Variants in PARD3B observed in about 807,000 individuals in gnomAD.
PARD3B encodes par-3 family cell polarity regulator beta, also known as partitioning defective 3 homolog B.
A neutral mutation model predicts 130.2 loss-of-function variants in PARD3B; 103 were observed. That is an observed-to-expected ratio of 0.79 (90% CI 0.67 to 0.93). The LOEUF is 0.93. Among genes scored for constraint, PARD3B ranks in the 40% least tolerant of loss-of-function variants. PARD3B has a pLI of 0.00. For missense variants in PARD3B, 1,609 were observed against 1,499.2 expected (o/e 1.07, Z -1.21); for synonymous variants, 583 against 553.2 (o/e 1.05, Z -0.76).
chr2:205,375,989 CAG>C (rs556274493), intron 18 of PARD3B, among the ~76,000 whole-genome samples: 3 of 152,252 alleles, frequency 2.0e-5, no homozygotes, highest in Admixed American at 2.0e-4. Flanking sequence ...AAAATGGACA[CAG>C]GGGTCATCTG....
In PARD3B at chr2:205,492,736, A is replaced by G. The variant is rs189116708; in HGVS notation, c.3045-7160A>G. Among the ~76,000 whole-genome samples, 34 of 152,296 alleles carry G rather than the reference A, an allele frequency of 2.2e-4. No homozygotes were observed. In the East Asian group the frequency reaches 5.8e-3, roughly 26 times the overall value. On this transcript the variant is annotated intron_variant, in intron 20 of 22. Coordinates refer to ENST00000406610, the MANE Select transcript of PARD3B (RefSeq NM_001302769.2). ...ATCATAACTTTACCTGGATATTTAC[A>G]CTGGATAATTTTCAGAGCTGTTCTA...
At chr2:205,522,495 T>G (rs1575241366) in intron 21 of PARD3B, among the ~76,000 whole-genome samples, 1 of 152,094 alleles carries the variant, frequency 6.6e-6, no homozygotes, top group South Asian at 2.1e-4. Context: ...GTAACTATTG[T>G]CGTTAAAAAA....
intron 18 of PARD3B, among the ~76,000 whole-genome samples, chr2:205,391,185 C>T (rs1317669081): frequency 6.6e-6 from 1 of 152,230 alleles, no homozygotes; most frequent in Non-Finnish European, 1.5e-5. Flanking sequence ...ACACTCTTTC[C>T]TTTCCTAGTT....
intron 18 of PARD3B, among the ~76,000 whole-genome samples, chr2:205,354,928 T>C (rs2044137820): frequency 6.6e-6 from 1 of 152,134 alleles, no homozygotes; most frequent in African/African-American, 2.4e-5. Context: ...ATTAAGAACA[T>C]GGTTAAGAAA....
At chr2:204,671,412 G>A (rs1317149668) in intron 1 of PARD3B, among the ~76,000 whole-genome samples, 1 of 152,086 alleles carries the variant, frequency 6.6e-6, no homozygotes, top group Admixed American at 6.6e-5. Flanking sequence ...GGCAGCTTTT[G>A]TTCACCATTT....
intron 10 of PARD3B, among the ~76,000 whole-genome samples, chr2:205,141,267 G>A (rs989717115): frequency 1.3e-5 from 2 of 152,036 alleles, no homozygotes; most frequent in Non-Finnish European, 2.9e-5. Flanking sequence ...TCCCAATTCC[G>A]TTATTTAAGA....
At chr2:205,127,226 A>G (rs556951609) in intron 10 of PARD3B, among the ~76,000 whole-genome samples, 3 of 150,340 alleles carry the variant, frequency 2.0e-5, no homozygotes, top group South Asian at 4.2e-4. Context: ...GAACCTGGGA[A>G]GCAGAGGTTG....
intron 10 of PARD3B, among the ~76,000 whole-genome samples, chr2:205,157,933 G>C (rs1341072928): frequency 6.6e-6 from 1 of 152,192 alleles, no homozygotes; most frequent in Non-Finnish European, 1.5e-5. Flanking sequence ...CTGGAGACCT[G>C]AACCCTAAAT....
intron 18 of PARD3B, among the ~76,000 whole-genome samples, chr2:205,323,635 C>T (rs901569254): frequency 1.3e-5 from 2 of 152,162 alleles, no homozygotes; most frequent in Non-Finnish European, 2.9e-5. Context: ...ATTCAGCCCT[C>T]TGATTCTTTC....
At chr2:205,387,356 G>A (rs907381383) in intron 18 of PARD3B, among the ~76,000 whole-genome samples, 1 of 152,076 alleles carries the variant, frequency 6.6e-6, no homozygotes, top group South Asian at 2.1e-4. Flanking sequence ...TTTAAGCTCA[G>A]GCTTTCCTTA....
At chr2:204,580,406 A>G (rs968160064) in intron 1 of PARD3B, among the ~76,000 whole-genome samples, 2 of 151,952 alleles carry the variant, frequency 1.3e-5, no homozygotes, top group Non-Finnish European at 2.9e-5. Flanking sequence ...CCAGGGTCAC[A>G]CTGGAGCTTC....
At chr2:204,997,474 A>G (rs189911203) in intron 3 of PARD3B, among the ~76,000 whole-genome samples, 38 of 152,276 alleles carry the variant, frequency 2.5e-4, no homozygotes, top group African/African-American at 7.9e-4. Flanking sequence ...ATTTGGATCT[A>G]TTCCTAAGTA....
At chr2:205,017,100 G>A (rs563438773) in intron 3 of PARD3B, among the ~76,000 whole-genome samples, 2 of 152,052 alleles carry the variant, frequency 1.3e-5, no homozygotes, top group African/African-American at 2.4e-5. Context: ...ATGGTTTGAC[G>A]AAAAACATAA....
chr2:205,379,439 A>G (rs541230311), intron 18 of PARD3B, among the ~76,000 whole-genome samples: 3 of 152,212 alleles, frequency 2.0e-5, no homozygotes, highest in Non-Finnish European at 2.9e-5. Flanking sequence ...CCCATGTTCC[A>G]TGATTATGAT....
rs1171752849 is a variant in PARD3B at position 205,253,455 on chromosome 2, T to G, written c.2185+7633T>G. The G allele has an allele frequency of 7.1e-6, 4 of 561,898 alleles. No homozygotes were observed. The highest frequency in any genetic ancestry group is 1.9e-5 in the Admixed American group (1 of 52,458). 34.8% of individuals were successfully genotyped at this position (561,898 alleles called of 1,614,324 possible). A position where few individuals can be genotyped will look rare whatever the true frequency, so the allele number is the denominator to read the frequency against. On this transcript the variant is annotated intron_variant, in intron 16 of 22. Coordinates refer to ENST00000406610, the MANE Select transcript of PARD3B (RefSeq NM_001302769.2). The surrounding 1 kb of genome is among the most constrained non-coding windows in gnomAD (Gnocchi z 4.4). ...GGATGGGAAGCCAGTATGGATCACCTTGTGGATGGATGCAAAGAGACCAAA... is the reference window on the plus strand; with the variant it reads ...GGATGGGAAGCCAGTATGGATCACCGTGTGGATGGATGCAAAGAGACCAAA...
chr2:204,598,576 A>G (rs1168595875), intron 1 of PARD3B, among the ~76,000 whole-genome samples: 1 of 152,148 alleles, frequency 6.6e-6, no homozygotes, highest in African/African-American at 2.4e-5. Flanking sequence ...AAAGATTAGA[A>G]CAATACCAGA....
intron 1 of PARD3B, among the ~76,000 whole-genome samples, chr2:204,645,717 T>G (rs988304560): frequency 6.6e-6 from 1 of 152,150 alleles, no homozygotes; most frequent in African/African-American, 2.4e-5. Context: ...TACACAAATA[T>G]GAAGTGACCA....
chr2:205,021,681 T>A lies in PARD3B; in HGVS notation c.395-25900T>A, dbSNP rs1559362477. On this transcript the variant is annotated intron_variant, in intron 3 of 22. Coordinates refer to ENST00000406610, the MANE Select transcript of PARD3B (RefSeq NM_001302769.2). This position sits in a 1 kb window ranked among gnomAD's most constrained non-coding sequence, Gnocchi z 4.5. ...ATATATATATAGTTAATCTTTTCAA[T>A]GACCCTGTGTCTTTCTTTGGATAGA... 6.6e-6 allele frequency among the ~76,000 whole-genome samples: 1 copy of A among 151,032 alleles called. No individual in the cohort carries two copies. The highest frequency in any genetic ancestry group is 1.5e-5 in the Non-Finnish European group (1 of 67,844).
At chr2:205,112,489 G>GCAGCT (rs1436431460) in intron 5 of PARD3B, among the ~76,000 whole-genome samples, 1 of 152,086 alleles carries the variant, frequency 6.6e-6, no homozygotes, top group African/African-American at 2.4e-5. Flanking sequence ...AGCATTTGTA[G>GCAGCT]CAGCTGTAGC....
Sources: allele counts gnomAD v4.1 joint callset (sites outside exome capture counted in the v4.1 genomes callset), GRCh38; gene constraint gnomAD v4.1.1; non-coding constraint Gnocchi (gnomAD v3.1); transcripts MANE v1.5; gene names NCBI Gene and HGNC (gene_info 2026-07-23, HGNC 2026-07-21).